CHURC1: variants seen among roughly 807,000 people sequenced by gnomAD.
CHURC1 encodes the protein protein Churchill.
Under a neutral mutation model 15.4 loss-of-function variants are expected in CHURC1, and 12 were observed. The observed-to-expected ratio is 0.78, with a 90% CI of 0.50 to 1.27. The LOEUF (loss-of-function observed/expected upper bound fraction) is 1.27, where lower values mean the gene tolerates loss of function less well. Ranked by LOEUF, CHURC1 falls within the 50% of genes most tolerant of loss-of-function variation. CHURC1 has a pLI of 0.00. For missense variants in CHURC1, 132 were observed against 137.8 expected (o/e 0.96, Z 0.21); for synonymous variants, 42 against 47.5 (o/e 0.88, Z 0.48).
chr14:64,924,273 T>A, intron 2 of CHURC1, 147 bp downstream of exon 2: 3 of 889,464 alleles, frequency 3.4e-6, no homozygotes, highest in African/African-American at 1.7e-5. Context: ...AAAATGTCAT[T>A]AACACCTCAT....
At position 64,934,570 on chromosome 14, in the gene CHURC1, G is replaced by T. The variant is rs1885240028; in HGVS notation, c.*2340G>T. ...ATTATTCAGAAAAGTTAAGTCAGCT[G>T]TTGCAGGGATCAGTTGTTTTATTCC... On this transcript the variant is annotated 3_prime_UTR_variant, in exon 4 of 4. Transcript: ENST00000549115. 1.0e-6 allele frequency: 1 copy of T among 985,320 alleles called. No homozygotes were observed. The allele number at this position is 985,320 out of a possible 1,614,324, so 61.0% of individuals were successfully genotyped here.
intron 1 of CHURC1, among the ~76,000 whole-genome samples, chr14:64,923,339 CTT>C (rs1034594441): frequency 6.8e-6 from 1 of 146,948 alleles, no homozygotes; most frequent in Admixed American, 6.8e-5. Flanking sequence ...TTTTTAAAAA[CTT>C]TTTTTGAAAA....
rs1383427560 is a variant in CHURC1, at chr14:64,932,347, GACTT to G, written c.*123_*126del. Reference sequence around the variant, plus strand: ...TCTTTGCATATTTTTTTTCTGCTTAGACTTACTTATTCTTTGAGGAAAAAAGGTA... The same window carrying G: ...TCTTTGCATATTTTTTTTCTGCTTAGACTTATTCTTTGAGGAAAAAAGGTA... On this transcript the variant is annotated 3_prime_UTR_variant, in exon 4 of 4. Coordinates refer to ENST00000549115, the MANE Select transcript of CHURC1 (RefSeq NM_001386928.1). 13 of 1,490,026 alleles carry G rather than the reference GACTT, an allele frequency of 8.7e-6. No homozygotes were observed. The highest frequency in any genetic ancestry group is 4.2e-5 in the South Asian group (3 of 71,924). The allele number at this position is 1,490,026 out of a possible 1,614,324, so 92.3% of individuals were successfully genotyped here. A position where few individuals can be genotyped will look rare whatever the true frequency, so the allele number is the denominator to read the frequency against.
In CHURC1 at chr14:64,933,213, A is replaced by G; in HGVS notation, c.*983A>G. The G allele has an allele frequency of 4.5e-6, 1 of 221,772 alleles. No homozygotes were observed. Among genetic ancestry groups the G allele is most frequent in the Non-Finnish European group, 7.6e-6 (1 of 131,144 alleles). The allele number at this position is 221,772 out of a possible 1,614,324, so 13.7% of individuals were successfully genotyped here. A position where few individuals can be genotyped will look rare whatever the true frequency, so the allele number is the denominator to read the frequency against. On this transcript the variant is annotated 3_prime_UTR_variant, in exon 4 of 4. Transcript: ENST00000549115. ...CCATAAAAAACAAGGAAAATCTGAGACATGGTCACAGCCAAGAGGAGCCTG... is the reference window on the plus strand; with the variant it reads ...CCATAAAAAACAAGGAAAATCTGAGGCATGGTCACAGCCAAGAGGAGCCTG...
chr14:64,924,166 G>A (rs373589594), intron 2 of CHURC1, 40 bp downstream of exon 2: 3 of 1,569,078 alleles, frequency 1.9e-6, no homozygotes, highest in Non-Finnish European at 2.6e-6. Flanking sequence ...GTGTTAGCAG[G>A]TGTCAGCTTT....
At chr14:64,923,390 C>G (rs542584675) in intron 1 of CHURC1, among the ~76,000 whole-genome samples, 1 of 151,862 alleles carries the variant, frequency 6.6e-6, no homozygotes, top group African/African-American at 2.4e-5. Flanking sequence ...AACCCATTCT[C>G]TCTTAAATGC....
In CHURC1 at chr14:64,916,875, G is replaced by A. The variant is rs150868159; in HGVS notation, c.39+2341G>A. Reference sequence around the variant, plus strand: ...TTACAGGCGTGAGCCACCGCGCCGGGCCTTAGGTTGGATTCTTAAGAGTGG... The same window carrying A: ...TTACAGGCGTGAGCCACCGCGCCGGACCTTAGGTTGGATTCTTAAGAGTGG... On this transcript the variant is annotated intron_variant, in intron 1 of 3. Transcript: ENST00000549115. Among the ~76,000 whole-genome samples, 205 of 152,266 alleles carry A rather than the reference G, an allele frequency of 1.3e-3. 3 individuals carry two copies. In the East Asian group the frequency reaches 0.03, roughly 22 times the overall value.
intron 1 of CHURC1, 93 bp downstream of exon 1, chr14:64,914,627 G>C: frequency 6.3e-7 from 1 of 1,587,522 alleles, no homozygotes; most frequent in Non-Finnish European, 8.6e-7. Flanking sequence ...ACGTGGGGCG[G>C]ACTCGGCCGC....
intron 3 of CHURC1, among the ~76,000 whole-genome samples, 192 bp downstream of exon 3, chr14:64,926,272 C>G (rs1270105038): frequency 7.3e-6 from 1 of 137,824 alleles, no homozygotes; most frequent in Non-Finnish European, 1.5e-5. Context: ...GTATTGAACT[C>G]CTGGGCTCAA....
intron 3 of CHURC1, 105 bp downstream of exon 3, chr14:64,926,185 T>C: frequency 1.4e-6 from 1 of 691,514 alleles, no homozygotes; most frequent in Non-Finnish European, 2.2e-6. Flanking sequence ...GTGCAAAGCG[T>C]TAGCATATAT....
At position 64,934,716 on chromosome 14, in the gene CHURC1, A is replaced by G. The variant is rs1885245743; in HGVS notation, c.*2486A>G. 1 of 985,494 alleles carries G rather than the reference A, an allele frequency of 1.0e-6. No individual in the cohort carries two copies. Among genetic ancestry groups the G allele is most frequent in the Non-Finnish European group, 1.2e-6 (1 of 829,948 alleles). The allele number at this position is 985,494 out of a possible 1,614,324, so 61.0% of individuals were successfully genotyped here. ...TACTTTAAATAGCAGCATTAAGCCCATTATAGCCTCTGAATTGTCCCTTCC... is the reference window on the plus strand; with the variant it reads ...TACTTTAAATAGCAGCATTAAGCCCGTTATAGCCTCTGAATTGTCCCTTCC... On this transcript the variant is annotated 3_prime_UTR_variant, in exon 4 of 4. Coordinates refer to ENST00000549115, the MANE Select transcript of CHURC1 (RefSeq NM_001386928.1).
chr14:64,934,893 C>A lies in CHURC1; in HGVS notation c.*2663C>A. On this transcript the variant is annotated 3_prime_UTR_variant, in exon 4 of 4. Transcript: ENST00000549115. ...AAATTTAAAACATAAGATCCTCTCT[C>A]TATATTTCATTATTGGTGAACCCAC... 1.0e-6 allele frequency: 1 copy of A among 984,160 alleles called. No homozygotes were observed. Among genetic ancestry groups the A allele is most frequent in the Non-Finnish European group, 1.2e-6 (1 of 828,818 alleles). The allele number at this position is 984,160 out of a possible 1,614,324, so 61.0% of individuals were successfully genotyped here.
intron 1 of CHURC1, among the ~76,000 whole-genome samples, chr14:64,917,593 C>T (rs940583371): frequency 6.6e-6 from 1 of 151,858 alleles, no homozygotes; most frequent in Non-Finnish European, 1.5e-5. Flanking sequence ...AAAAAAACCA[C>T]CACAAATATT....
intron 1 of CHURC1, 33 bp from the exon 2 acceptor site, chr14:64,923,958 A>G: frequency 6.7e-7 from 1 of 1,487,776 alleles, no homozygotes; most frequent in South Asian, 1.4e-5. Context: ...TTTGAAATGT[A>G]AAGAAATTAA....
At chr14:64,921,857 A>G (rs1361382271) in intron 1 of CHURC1, among the ~76,000 whole-genome samples, 1 of 152,238 alleles carries the variant, frequency 6.6e-6, no homozygotes, top group East Asian at 1.9e-4. Flanking sequence ...TAGCTGCTTT[A>G]TTCATAATAG....
chr14:64,924,289 T>A, intron 2 of CHURC1, 163 bp downstream of exon 2: 1 of 769,932 alleles, frequency 1.3e-6, no homozygotes, highest in Non-Finnish European at 1.8e-6. Flanking sequence ...CTCATTTATC[T>A]GGGATATCAA....
At chr14:64,923,510 A>G (rs1300489187) in intron 1 of CHURC1, among the ~76,000 whole-genome samples, 1 of 152,140 alleles carries the variant, frequency 6.6e-6, no homozygotes, top group South Asian at 2.1e-4. Flanking sequence ...TTTATTTTGT[A>G]TTATGATCAA....
intron 3 of CHURC1, among the ~76,000 whole-genome samples, chr14:64,927,829 A>G (rs1884829521): frequency 6.6e-6 from 1 of 151,188 alleles, no homozygotes; most frequent in African/African-American, 2.4e-5. Flanking sequence ...CGAGCTACTC[A>G]GGAGACTGAG....
intron 3 of CHURC1, among the ~76,000 whole-genome samples, chr14:64,926,900 A>G (rs1884748266): frequency 1.3e-5 from 2 of 152,242 alleles, no homozygotes; most frequent in South Asian, 4.1e-4. Flanking sequence ...ACGGTCAGAA[A>G]GAAAAGCTGG....
Sources: allele counts gnomAD v4.1 joint callset (sites outside exome capture counted in the v4.1 genomes callset), GRCh38; gene constraint gnomAD v4.1.1; transcripts MANE v1.5; gene names NCBI Gene and HGNC (gene_info 2026-07-23, HGNC 2026-07-21).